Variants in CEP57L1 observed in about 807,000 individuals in gnomAD.
CEP57L1 encodes the protein centrosomal protein CEP57L1.
Under a neutral mutation model 61.0 loss-of-function variants are expected in CEP57L1, and 37 were observed. That is an observed-to-expected ratio of 0.61 (90% CI 0.47 to 0.80). The LOEUF (loss-of-function observed/expected upper bound fraction) is 0.80, where lower values mean the gene tolerates loss of function less well. Ranked by LOEUF, CEP57L1 falls within the 30% of genes least tolerant of loss-of-function variation. The pLI is 0.00. For synonymous variants in CEP57L1, 137 were observed against 162.3 expected (o/e 0.84, Z 1.19); for missense variants, 422 against 524.7 (o/e 0.80, Z 1.91).
rs1204399106 is a variant in CEP57L1 at position 109,172,032 on chromosome 6, G to A, written c.*9062G>A. On this transcript the variant is annotated 3_prime_UTR_variant, in exon 11 of 11. Transcript: ENST00000517392. ...GGGACTCACAGAACTCAGAAAAGCT[G>A]TTAAGTTATGGTTATGGTATATTAT... Among the ~76,000 whole-genome samples, 2 of 152,090 alleles carry A rather than the reference G, an allele frequency of 1.3e-5. No homozygotes were observed. Among genetic ancestry groups the A allele is most frequent in the African/African-American group, 2.4e-5 (1 of 41,410 alleles).
chr6:109,112,752 C>T (rs914103691), intron 1 of CEP57L1, among the ~76,000 whole-genome samples: 10 of 152,042 alleles, frequency 6.6e-5, no homozygotes, highest in African/African-American at 2.4e-4. Flanking sequence ...TTATTTCTGG[C>T]AGAAATATTT....
intron 1 of CEP57L1, among the ~76,000 whole-genome samples, chr6:109,115,312 T>C (rs1279983903): frequency 6.6e-6 from 1 of 152,082 alleles, no homozygotes; most frequent in African/African-American, 2.4e-5. Flanking sequence ...AGGAATTTCA[T>C]GTTGTTCTCA....
chr6:109,129,637 C>T (rs1172756256), intron 1 of CEP57L1: 8 of 395,582 alleles, frequency 2.0e-5, no homozygotes, highest in Middle Eastern at 4.3e-4. Flanking sequence ...CTGAGCCATT[C>T]GAGGATCCTA....
At chr6:109,111,650 G>C (rs1316489482) in intron 1 of CEP57L1, among the ~76,000 whole-genome samples, 3 of 152,098 alleles carry the variant, frequency 2.0e-5, no homozygotes, top group Admixed American at 6.5e-5. Context: ...TATGATATTG[G>C]CTGTGGGTTT....
Position 109,165,024 on chromosome 6 carries a change from G to C in CEP57L1, c.*2054G>C, listed in dbSNP as rs907913957. On this transcript the variant is annotated 3_prime_UTR_variant, in exon 11 of 11. Coordinates refer to ENST00000517392, the MANE Select transcript of CEP57L1 (RefSeq NM_001271852.3). The stretch of plus-strand genomic sequence containing the variant: ...ACCTGGGAGATGGAGGTTGCAGTGA[G>C]CTGAGATCTCACCACTGTACTCCAG... Among the ~76,000 whole-genome samples, 3 of 150,548 alleles carry C rather than the reference G, an allele frequency of 2.0e-5. No individual in the cohort carries two copies. Among genetic ancestry groups the C allele is most frequent in the Admixed American group, 6.6e-5 (1 of 15,076 alleles).
At chr6:109,102,931 G>T (rs1770494241) in intron 1 of CEP57L1, among the ~76,000 whole-genome samples, 1 of 152,166 alleles carries the variant, frequency 6.6e-6, no homozygotes, top group Non-Finnish European at 1.5e-5. Flanking sequence ...GTTATCTGTT[G>T]TCAGCATGTG....
rs74902977 is a variant in CEP57L1 at position 109,096,278 on chromosome 6, G to A, written c.-4+703G>A. Among the ~76,000 whole-genome samples the A allele has an allele frequency of 8.3e-3, 1,262 of 152,176 alleles. 24 individuals are homozygous for A. The highest frequency in any genetic ancestry group is 0.029 in the African/African-American group (1,211 of 41,500). Reference sequence around the variant, plus strand: ...CATTGCACTAAATTCTAAAAATTTCGTCTTGCTAGGCACTGAGTATACAAC... The same window carrying A: ...CATTGCACTAAATTCTAAAAATTTCATCTTGCTAGGCACTGAGTATACAAC... On this transcript the variant is annotated intron_variant, in intron 1 of 10. Coordinates refer to ENST00000517392, the MANE Select transcript of CEP57L1 (RefSeq NM_001271852.3).
intron 1 of CEP57L1, among the ~76,000 whole-genome samples, chr6:109,095,873 G>C (rs914255229): frequency 2.0e-5 from 3 of 152,106 alleles, no homozygotes; most frequent in Admixed American, 6.5e-5. Flanking sequence ...GCCCTTTTTT[G>C]TGGACACACG....
At chr6:109,155,678 T>C in intron 6 of CEP57L1, 113 bp from the exon 7 acceptor site, 1 of 629,302 alleles carries the variant, frequency 1.6e-6, no homozygotes, top group Admixed American at 3.5e-5. Context: ...GATTTTCTTT[T>C]CTTTTCTTCT....
At chr6:109,095,858 A>T (rs2114505817) in intron 1 of CEP57L1, among the ~76,000 whole-genome samples, 1 of 152,260 alleles carries the variant, frequency 6.6e-6, no homozygotes, top group South Asian at 2.1e-4. Context: ...GCTGCCTCTG[A>T]TTCCGCCCTT....
At chr6:109,111,384 CTT>C (rs1771597535) in intron 1 of CEP57L1, among the ~76,000 whole-genome samples, 1 of 152,120 alleles carries the variant, frequency 6.6e-6, no homozygotes, top group Non-Finnish European at 1.5e-5. Flanking sequence ...TATCCTGAGA[CTT>C]TGCTGAAGTT....
intron 7 of CEP57L1, chr6:109,156,645 G>A (rs1382852759): frequency 6.6e-6 from 1 of 152,074 alleles, no homozygotes; most frequent in Non-Finnish European, 1.5e-5. Context: ...TGGAGTGAGT[G>A]TTCTCTGTGC....
rs1327279821 is a variant in CEP57L1, at chr6:109,170,114, G to A, written c.*7144G>A. Among the ~76,000 whole-genome samples, 1 of 152,106 alleles carries A rather than the reference G, an allele frequency of 6.6e-6. No homozygotes were observed. The highest frequency in any genetic ancestry group is 1.5e-5 in the Non-Finnish European group (1 of 68,018). On this transcript the variant is annotated 3_prime_UTR_variant, in exon 11 of 11. Coordinates refer to ENST00000517392, the MANE Select transcript of CEP57L1 (RefSeq NM_001271852.3). Reference sequence around the variant, plus strand: ...GCTCTGGACAATGGTCAGAAGGTAGGAAGAAGTGTTATAGGGTAATGAGCA... The same window carrying A: ...GCTCTGGACAATGGTCAGAAGGTAGAAAGAAGTGTTATAGGGTAATGAGCA...
chr6:109,147,755 C>A (rs763966708), intron 3 of CEP57L1, among the ~76,000 whole-genome samples: 1 of 152,164 alleles, frequency 6.6e-6, no homozygotes, highest in Non-Finnish European at 1.5e-5. Context: ...ACTTGAGTTT[C>A]CTGAAAGAGA....
intron 4 of CEP57L1, among the ~76,000 whole-genome samples, chr6:109,152,915 C>T (rs1463459633): frequency 6.6e-6 from 1 of 151,768 alleles, no homozygotes; most frequent in African/African-American, 2.4e-5. Flanking sequence ...TCGAGACCAG[C>T]CTGAGCAACA....
At chr6:109,155,192 GT>G (rs754931108) in intron 5 of CEP57L1, 37 bp from the exon 6 acceptor site, 1 of 1,307,748 alleles carries the variant, frequency 7.6e-7, no homozygotes, top group African/African-American at 1.5e-5. Flanking sequence ...TTTGGCTCTA[GT>G]TTTTATGTAA....
At chr6:109,143,535 A>G (rs1028375839) in intron 1 of CEP57L1, among the ~76,000 whole-genome samples, 7 of 152,086 alleles carry the variant, frequency 4.6e-5, no homozygotes, top group African/African-American at 9.7e-5. Flanking sequence ...TTTTTATCCT[A>G]TCAGTGGATT....
chr6:109,095,409 C>T (rs774505991), upstream of CEP57L1: 34 of 985,754 alleles, frequency 3.4e-5, no homozygotes, highest in South Asian at 4.7e-5. Context: ...AGATTTAAGT[C>T]GGTAGGACGT....
At chr6:109,119,309 T>G (rs1772674273) in intron 1 of CEP57L1, among the ~76,000 whole-genome samples, 1 of 152,144 alleles carries the variant, frequency 6.6e-6, no homozygotes, top group Non-Finnish European at 1.5e-5. Context: ...TAGTGAAACA[T>G]AATTAGTAGT....
Sources: allele counts gnomAD v4.1 joint callset (sites outside exome capture counted in the v4.1 genomes callset), GRCh38; gene constraint gnomAD v4.1.1; transcripts MANE v1.5; gene names NCBI Gene and HGNC (gene_info 2026-07-23, HGNC 2026-07-21).